Variants in URGCP observed in about 807,000 individuals in gnomAD.
The protein encoded by URGCP is upregulator of cell proliferation.
A neutral mutation model predicts 24.6 loss-of-function variants in URGCP; 13 were observed. That is an observed-to-expected ratio of 0.53 (90% CI 0.34 to 0.84). The LOEUF is 0.84. URGCP is among the 40% of genes least tolerant of loss of function. URGCP has a pLI of 0.01. For missense variants in URGCP, 899 were observed against 1,194.3 expected (o/e 0.75, Z 3.64); for synonymous variants, 444 against 487.2 (o/e 0.91, Z 1.17).
intron 1 of URGCP, among the ~76,000 whole-genome samples, chr7:43,905,261 C>G (rs930669924): frequency 1.7e-4 from 10 of 60,144 alleles, no homozygotes; most frequent in African/African-American, 7.1e-4. Flanking sequence ...CTCAACATTG[C>G]CTCCAGGAGG....
At chr7:43,922,950 C>G (rs1005270369) in intron 1 of URGCP, among the ~76,000 whole-genome samples, 1 of 150,656 alleles carries the variant, frequency 6.6e-6, no homozygotes, top group African/African-American at 2.4e-5. Context: ...TTCCTTCTCT[C>G]TTTCTCTCTC....
chr7:43,919,873 G>T, intron 1 of URGCP: 2 of 1,295,550 alleles, frequency 1.5e-6, no homozygotes, highest in Non-Finnish European at 2.2e-6. Context: ...TAGAGAACCT[G>T]TCGCCAATAT....
intron 1 of URGCP, among the ~76,000 whole-genome samples, chr7:43,902,213 G>A (rs939645122): frequency 2.0e-4 from 30 of 152,058 alleles, no homozygotes; most frequent in African/African-American, 7.0e-4. Context: ...CAAGGTGCGT[G>A]TGCCCTCCTT....
At chr7:43,897,159 T>C (rs1465480855) in intron 1 of URGCP, among the ~76,000 whole-genome samples, 1 of 152,108 alleles carries the variant, frequency 6.6e-6, no homozygotes, top group Non-Finnish European at 1.5e-5. Flanking sequence ...GCCGTGATCC[T>C]GTCACTGAAC....
intron 3 of URGCP, among the ~76,000 whole-genome samples, chr7:43,886,404 TA>T (rs1026781837): frequency 4.5e-4 from 69 of 152,334 alleles, no homozygotes; most frequent in African/African-American, 1.5e-3. Flanking sequence ...AAACATAGTT[TA>T]TTTTTTTAGC....
Position 43,917,475 on chromosome 7 carries a change from C to T in URGCP, c.-116+8657G>A, listed in dbSNP as rs532387630. On this transcript the variant is annotated intron_variant, in intron 1 of 5. Coordinates refer to the URGCP transcript ENST00000426198. ...CCATCTGGTTTTACGTCCTTGGAAG[C>T]GTGACCTGTAACCACATGGCAGTGC... Among the ~76,000 whole-genome samples, 8 of 152,332 alleles carry T rather than the reference C, an allele frequency of 5.3e-5. No individual in the cohort carries two copies. The South Asian group carries it at 1.4e-3, about 28-fold the overall frequency.
chr7:43,895,374 T>G (rs1039886387), intron 1 of URGCP, among the ~76,000 whole-genome samples: 3 of 151,842 alleles, frequency 2.0e-5, no homozygotes, highest in African/African-American at 7.3e-5. Flanking sequence ...CCAGTTAGAG[T>G]GGCTATTATC....
chr7:43,885,372 A>G (rs1234099641), intron 3 of URGCP, among the ~76,000 whole-genome samples: 1 of 152,200 alleles, frequency 6.6e-6, no homozygotes, highest in Non-Finnish European at 1.5e-5. Flanking sequence ...AAGTGCTGGG[A>G]TAACAGGCAT....
chr7:43,895,011 CAGAG>C (rs2132686420), intron 1 of URGCP, among the ~76,000 whole-genome samples: 1 of 152,068 alleles, frequency 6.6e-6, no homozygotes, highest in Non-Finnish European at 1.5e-5. Flanking sequence ...GCCTGGGTGA[CAGAG>C]AAAGACTCTG....
At chr7:43,895,542 G>A (rs930660425) in intron 1 of URGCP, among the ~76,000 whole-genome samples, 2 of 152,212 alleles carry the variant, frequency 1.3e-5, no homozygotes, top group Admixed American at 6.5e-5. Flanking sequence ...GGATGTGGTG[G>A]CACACACCTG....
intron 1 of URGCP, among the ~76,000 whole-genome samples, chr7:43,889,905 C>A (rs1585804945): frequency 6.9e-6 from 1 of 144,528 alleles, no homozygotes; most frequent in Non-Finnish European, 1.5e-5. Flanking sequence ...TTACTGGAAG[C>A]AATTTTTTTT....
intron 1 of URGCP, among the ~76,000 whole-genome samples, chr7:43,892,214 A>G (rs893358164): frequency 2.1e-5 from 3 of 146,288 alleles, no homozygotes; most frequent in Non-Finnish European, 4.5e-5. Flanking sequence ...CACTGCGCCC[A>G]GCCAATTTTT....
At chr7:43,925,798 CTTTTTT>C (rs60736722) in intron 1 of URGCP, among the ~76,000 whole-genome samples, 3 of 116,544 alleles carry the variant, frequency 2.6e-5, no homozygotes, top group African/African-American at 9.9e-5. Context: ...CCTCGTCTGG[CTTTTTT>C]TTTTTTTTTT....
At chr7:43,924,568 T>C (rs918813454) in intron 1 of URGCP, among the ~76,000 whole-genome samples, 1 of 152,206 alleles carries the variant, frequency 6.6e-6, no homozygotes, top group African/African-American at 2.4e-5. Context: ...GGAGGATGGA[T>C]GGCCCATGGA....
At chr7:43,909,973 G>A (rs1001301063), upstream of URGCP, among the ~76,000 whole-genome samples, 1 of 152,206 alleles carries the variant, frequency 6.6e-6, no homozygotes, top group Non-Finnish European at 1.5e-5. Context: ...AACCCGGGAG[G>A]CAGAGGTTGT....
intron 5 of URGCP, chr7:43,881,233 C>G (rs749679341): frequency 2.8e-6 from 2 of 702,880 alleles, no homozygotes; most frequent in Admixed American, 4.0e-5. Flanking sequence ...CAGTGTGTGG[C>G]CCTTGGCAGG....
chr7:43,890,062 G>A (rs954523551), intron 1 of URGCP, among the ~76,000 whole-genome samples: 1 of 151,544 alleles, frequency 6.6e-6, no homozygotes, highest in African/African-American at 2.4e-5. Flanking sequence ...GCGCCACCAC[G>A]CCTGGCTAAT....
chr7:43,890,506 G>A (rs748044167), intron 1 of URGCP, among the ~76,000 whole-genome samples: 60 of 151,970 alleles, frequency 3.9e-4, no homozygotes, highest in Non-Finnish European at 6.6e-4. Flanking sequence ...GTGAACCACC[G>A]CGCCCAGCCA....
At chr7:43,919,964 C>T (rs2095920292) in intron 1 of URGCP, 5 of 1,344,098 alleles carry the variant, frequency 3.7e-6, no homozygotes, top group Non-Finnish European at 5.3e-6. Flanking sequence ...ATGAGATGGA[C>T]ACAACACATC....
Sources: gnomAD v4.1 joint callset for allele counts (sites outside exome capture counted in the v4.1 genomes callset) on GRCh38, gnomAD v4.1.1 for gene constraint, MANE v1.5 for transcripts, NCBI Gene and HGNC (gene_info 2026-07-23, HGNC 2026-07-21) for gene names.